The following QDPR variants were observed in gnomAD, a reference collection of about 807,000 sequenced individuals.
QDPR encodes dihydropteridine reductase.
In QDPR, 23 loss-of-function variants were observed where a neutral mutation model predicts 31.7. The ratio of observed to expected loss-of-function variants is 0.73; its 90% CI spans 0.52 to 1.03. The LOEUF (loss-of-function observed/expected upper bound fraction) is 1.03, where lower values mean the gene tolerates loss of function less well. Ranked by LOEUF, QDPR falls within the 50% of genes least tolerant of loss-of-function variation. QDPR has a pLI of 0.00. For missense variants in QDPR, 324 were observed against 323.8 expected, an observed-to-expected ratio of 1.00 and a Z score of 0.00; for synonymous variants, 124 against 124.7, an observed-to-expected ratio of 0.99 and a Z score of 0.03.
At position 17,511,970 on chromosome 4, in the gene QDPR, C is replaced by T; in HGVS notation, c.85G>A (p.Ala29Thr). 1 of 1,611,190 alleles carries T rather than the reference C, an allele frequency of 6.2e-7. No homozygotes were observed. Among genetic ancestry groups the T allele is most frequent in the Non-Finnish European group, 8.5e-7 (1 of 1,179,280 alleles). Residue 29 changes from alanine to threonine, a missense_variant, in exon 1 of 7, where the codon GCT becomes ACT. Transcript: ENST00000281243. ...RGALGSRCVQAFRARNWWVAS... is the reference protein window; with the variant it reads ...RGALGSRCVQTFRARNWWVAS... ...ATTACCCAGTTGCGGGCCCGAAAAG[C>T]CTGCACGCATCGAGAACCCAGAGCG... is the stretch of plus-strand genomic sequence containing the variant.
intron 1 of QDPR, among the ~76,000 whole-genome samples, chr4:17,511,264 G>A (rs1448421760): frequency 3.3e-5 from 5 of 152,038 alleles, no homozygotes; most frequent in Admixed American, 6.5e-5. Flanking sequence ...GCTCTGCTCC[G>A]ACTTGCCGCC....
rs777114622 is a variant in QDPR at position 17,509,286 on chromosome 4, A to C, written c.183T>G (p.Thr61=). The change falls in exon 2 of 7, where the codon ACT becomes ACG. Residue 61 remains threonine (T), a synonymous_variant. Coordinates refer to ENST00000281243, the MANE Select transcript of QDPR (RefSeq NM_000320.3). ...SIIVKMTDSF[T]EQADQVTAEV... ...TTGAAACTACCTGGTCAGCCTGCTCAGTGAACGAGTCTGTCATTTTAACAA... is the reference window on the plus strand; with the variant it reads ...TTGAAACTACCTGGTCAGCCTGCTCCGTGAACGAGTCTGTCATTTTAACAA... 1 of 1,614,062 alleles carries C rather than the reference A, an allele frequency of 6.2e-7. No homozygotes were observed. The highest frequency in any genetic ancestry group is 8.5e-7 in the Non-Finnish European group (1 of 1,179,936).
intron 2 of QDPR, among the ~76,000 whole-genome samples, chr4:17,505,349 C>T (rs1180269712): frequency 1.3e-5 from 2 of 150,042 alleles, no homozygotes; most frequent in Non-Finnish European, 1.5e-5. Flanking sequence ...CCGGTTCAAG[C>T]GAATCTCCTG....
At chr4:17,489,541 A>C (rs1718085153) in intron 6 of QDPR, among the ~76,000 whole-genome samples, 1 of 152,192 alleles carries the variant, frequency 6.6e-6, no homozygotes, top group African/African-American at 2.4e-5. Flanking sequence ...TTAAGACCAT[A>C]GGTTCTGCAG....
intron 2 of QDPR, among the ~76,000 whole-genome samples, chr4:17,506,941 T>C (rs1402853172): frequency 2.0e-5 from 3 of 152,242 alleles, no homozygotes; most frequent in Non-Finnish European, 4.4e-5. Context: ...GATTTATACA[T>C]GTATATTTTG....
chr4:17,491,066 T>G (rs1276320668), intron 5 of QDPR, among the ~76,000 whole-genome samples: 1 of 152,348 alleles, frequency 6.6e-6, no homozygotes, highest in Non-Finnish European at 1.5e-5. Flanking sequence ...AACTGCTTTG[T>G]TGCTGTGTCT....
At chr4:17,491,739 G>C (rs984342036) in intron 5 of QDPR, among the ~76,000 whole-genome samples, 2 of 152,176 alleles carry the variant, frequency 1.3e-5, no homozygotes, top group African/African-American at 4.8e-5. Context: ...CCCAAAACTG[G>C]AAGTATTGCT....
chr4:17,494,085 T>G (rs1324031468), intron 4 of QDPR, among the ~76,000 whole-genome samples: 1 of 152,118 alleles, frequency 6.6e-6, no homozygotes, highest in African/African-American at 2.4e-5. Flanking sequence ...TGCTAGTGAC[T>G]GACACTGGGA....
At chr4:17,510,316 A>C (rs888148749) in intron 1 of QDPR, among the ~76,000 whole-genome samples, 2 of 152,148 alleles carry the variant, frequency 1.3e-5, no homozygotes, top group African/African-American at 4.8e-5. Flanking sequence ...GGTTCCCAAC[A>C]AAAGAGGTTG....
At chr4:17,503,352 T>A (rs890346219) in intron 3 of QDPR, among the ~76,000 whole-genome samples, 1 of 152,212 alleles carries the variant, frequency 6.6e-6, no homozygotes, top group Admixed American at 6.5e-5. Context: ...CTGGGGAAAT[T>A]TGAATATGGG....
rs142217429 is a variant in QDPR, at chr4:17,501,167, C to T, written c.436+552G>A. 6.6e-5 allele frequency among the ~76,000 whole-genome samples: 10 copies of T among 152,246 alleles called. No individual in the cohort carries two copies. In the East Asian group the frequency reaches 1.5e-3, roughly 24 times the overall value. ...TCACACATCTAGGATAAAGAATCCA[C>T]CCCCAACCCTCTCACTCTCTTTTTG... On this transcript the variant is annotated intron_variant, in intron 4 of 6. Coordinates refer to ENST00000281243, the MANE Select transcript of QDPR (RefSeq NM_000320.3).
intron 2 of QDPR, among the ~76,000 whole-genome samples, chr4:17,506,296 ATTTTTG>A (rs1285559818): frequency 2.0e-5 from 3 of 151,860 alleles, no homozygotes; most frequent in Non-Finnish European, 4.4e-5. Flanking sequence ...CATTCAGCTA[ATTTTTG>A]TATTTTTTTG....
chr4:17,488,829 G>A (rs1718060104), intron 6 of QDPR, among the ~76,000 whole-genome samples: 1 of 152,134 alleles, frequency 6.6e-6, no homozygotes, highest in African/African-American at 2.4e-5. Flanking sequence ...GCTCATATGA[G>A]CACATGGGCT....
At chr4:17,511,221 C>T (rs1281835046) in intron 1 of QDPR, among the ~76,000 whole-genome samples, 1 of 152,074 alleles carries the variant, frequency 6.6e-6, no homozygotes, top group Non-Finnish European at 1.5e-5. Flanking sequence ...GCCTGCTGAG[C>T]GGCTGAGGTC....
At position 17,492,237 on chromosome 4, in the gene QDPR, C is replaced by T; in HGVS notation, c.540G>A (p.Val180=). ...GMPPGAAAIA[V]LPVTLDTPMN... The stretch of plus-strand genomic sequence containing the variant: ...AGGGAACCCCAAGCACTTACGGGAG[C>T]ACAGCGATGGCGGCTGCCCCGGGCG... Residue 180 remains valine (V), a synonymous_variant, in exon 5 of 7, where the codon GTG becomes GTA. Coordinates refer to ENST00000281243, the MANE Select transcript of QDPR (RefSeq NM_000320.3). The T allele has an allele frequency of 6.2e-7, 1 of 1,613,720 alleles. No individual in the cohort carries two copies. Among genetic ancestry groups the T allele is most frequent in the Non-Finnish European group, 8.5e-7 (1 of 1,179,820 alleles).
At chr4:17,509,549 G>C (rs1404872862) in intron 1 of QDPR, among the ~76,000 whole-genome samples, 186 bp from the exon 2 acceptor site, 1 of 152,022 alleles carries the variant, frequency 6.6e-6, no homozygotes, top group Non-Finnish European at 1.5e-5. Flanking sequence ...AACATAGCAA[G>C]ACCCAGTCCC....
chr4:17,511,937 CCCGCAGCATTA>C lies in QDPR; in HGVS notation c.105+2_105+12del. The C allele has an allele frequency of 6.2e-7, 1 of 1,608,710 alleles. No individual in the cohort carries two copies. Among genetic ancestry groups the C allele is most frequent in the Non-Finnish European group, 8.5e-7 (1 of 1,178,090 alleles). ...CCCCGCGGAGACCCAGCAGCCCCAG[CCCGCAGCATTA>C]CCCAGTTGCGGGCCCGAAAAGCCTG... On this transcript the variant is annotated splice_donor_variant and splice_donor_5th_base_variant and intron_variant, in intron 1 of 6. Transcript: ENST00000281243. LOFTEE classifies it high-confidence loss of function.
Position 17,509,379 on chromosome 4 carries a change from A to G in QDPR, c.106-16T>C. On this transcript the variant is annotated splice_polypyrimidine_tract_variant and intron_variant, in intron 1 of 6. Transcript: ENST00000281243. ...TGGCAACCCACTGGAAGGAGAAAAC[A>G]GCTTTGGTTAAGAGGCAGTGAGTTG... 1 of 1,609,170 alleles carries G rather than the reference A, an allele frequency of 6.2e-7. No individual in the cohort carries two copies. The highest frequency in any genetic ancestry group is 8.5e-7 in the Non-Finnish European group (1 of 1,175,620).
chr4:17,490,400 T>C (rs1718115975), intron 6 of QDPR: 1 of 451,080 alleles, frequency 2.2e-6, no homozygotes, highest in Non-Finnish European at 4.2e-6. Flanking sequence ...AGCAGGTCAA[T>C]AATGTGCTCA....
Sources: allele counts gnomAD v4.1 joint callset (sites outside exome capture counted in the v4.1 genomes callset), GRCh38; gene constraint gnomAD v4.1.1; transcripts MANE v1.5; gene names NCBI Gene and HGNC (gene_info 2026-07-23, HGNC 2026-07-21).